The following MICAL2 variants were observed in gnomAD, a reference collection of about 807,000 sequenced individuals.
MICAL2 encodes the protein [F-actin]-monooxygenase MICAL2.
Under a neutral mutation model 127.3 loss-of-function variants are expected in MICAL2, and 77 were observed. The observed-to-expected ratio is 0.60, with a 90% confidence interval of 0.50 to 0.73. The LOEUF is 0.73. Among genes scored for constraint, MICAL2 ranks in the 30% least tolerant of loss-of-function variants. The pLI is 0.00. For synonymous variants in MICAL2, 570 were observed against 551.1 expected (o/e 1.03, Z -0.48); for missense variants, 1,351 against 1,434.4 (o/e 0.94, Z 0.94).
chr11:12,112,278 G>A (rs1345562455), intron 1 of MICAL2, among the ~76,000 whole-genome samples: 2 of 152,180 alleles, frequency 1.3e-5, no homozygotes, highest in Admixed American at 1.3e-4. Context: ...GGATTTCAGG[G>A]GATGCTTCTT....
intron 3 of MICAL2, among the ~76,000 whole-genome samples, chr11:12,200,501 G>T (rs913547564): frequency 6.6e-6 from 1 of 152,208 alleles, no homozygotes. Context: ...CCAGAACACC[G>T]AGTTCCCATA....
At chr11:12,361,374 C>G (rs773280742), downstream of MICAL2, among the ~76,000 whole-genome samples, 2 of 152,136 alleles carry the variant, frequency 1.3e-5, no homozygotes, top group Non-Finnish European at 2.9e-5. Flanking sequence ...GTCCTTAACT[C>G]CACCTCCAAA....
intron 2 of MICAL2, among the ~76,000 whole-genome samples, chr11:12,141,366 G>T (rs1041574986): frequency 6.6e-6 from 1 of 152,182 alleles, no homozygotes; most frequent in Non-Finnish European, 1.5e-5. Flanking sequence ...TGACTTCTGT[G>T]GTCCTGGTCC....
upstream of MICAL2, among the ~76,000 whole-genome samples, chr11:12,273,583 G>A (rs1184234450): frequency 6.7e-6 from 1 of 149,138 alleles, no homozygotes; most frequent in African/African-American, 2.5e-5. Flanking sequence ...ATTTTAAGAT[G>A]AGGTATTTCA....
chr11:12,119,292 T>C (rs1399907572), intron 1 of MICAL2, among the ~76,000 whole-genome samples: 1 of 152,240 alleles, frequency 6.6e-6, no homozygotes, highest in African/African-American at 2.4e-5. Context: ...TGAAACTTCA[T>C]CTACGGCATG....
At chr11:12,304,758 TG>T (rs1864090048) in intron 29 of MICAL2, among the ~76,000 whole-genome samples, 1 of 152,174 alleles carries the variant, frequency 6.6e-6, no homozygotes, top group South Asian at 2.1e-4. Context: ...CAGTCTGTTT[TG>T]GGTCCTTCTC....
intron 32 of MICAL2, among the ~76,000 whole-genome samples, chr11:12,343,155 C>T (rs950053527): frequency 3.9e-5 from 6 of 152,140 alleles, no homozygotes; most frequent in Admixed American, 6.6e-5. Context: ...CACCTGTAAT[C>T]CCAGCACTTT....
chr11:12,170,064 T>C (rs909709064), intron 3 of MICAL2, among the ~76,000 whole-genome samples: 1 of 152,108 alleles, frequency 6.6e-6, no homozygotes, highest in East Asian at 1.9e-4. Flanking sequence ...ATTACTGCCA[T>C]CCTTGTAACA....
chr11:12,166,253 T>G (rs1855498712), intron 3 of MICAL2, among the ~76,000 whole-genome samples: 1 of 152,252 alleles, frequency 6.6e-6, no homozygotes, highest in Admixed American at 6.5e-5. Context: ...TCCAGAAAGC[T>G]GAAGAGAGTG....
At chr11:12,240,860 C>A (rs746832426) in intron 17 of MICAL2, among the ~76,000 whole-genome samples, 180 bp from the exon 18 acceptor site, 1 of 152,236 alleles carries the variant, frequency 6.6e-6, no homozygotes, top group Admixed American at 6.5e-5. Flanking sequence ...GACAGGGAGC[C>A]AGGGCTCAAG....
intron 1 of MICAL2, among the ~76,000 whole-genome samples, chr11:12,117,977 C>T (rs1179837726): frequency 6.6e-6 from 1 of 152,184 alleles, no homozygotes; most frequent in Non-Finnish European, 1.5e-5. Context: ...GCCTTGGGGA[C>T]CATGGGGTCC....
At chr11:12,119,480 C>A (rs1850325137) in intron 1 of MICAL2, among the ~76,000 whole-genome samples, 2 of 152,174 alleles carry the variant, frequency 1.3e-5, no homozygotes. Flanking sequence ...ATTCAGCAGA[C>A]AGTTGTAATC....
Position 12,312,489 on chromosome 11 carries a change from G to A in MICAL2, c.5213-7207G>A, listed in dbSNP as rs975788989. On this transcript the variant is annotated intron_variant, in intron 29 of 34. Coordinates refer to the MICAL2 transcript ENST00000646065. Reference sequence around the variant, plus strand: ...TTATATTTTTTCTTCGATCCACAGCGTGTTTAGAAAAATATTACTTAATTT... The same window carrying A: ...TTATATTTTTTCTTCGATCCACAGCATGTTTAGAAAAATATTACTTAATTT... Among the ~76,000 whole-genome samples the A allele has an allele frequency of 5.3e-5, 8 of 151,924 alleles. No individual in the cohort carries two copies. The South Asian group carries it at 8.3e-4, about 16-fold the overall frequency.
intron 1 of MICAL2, among the ~76,000 whole-genome samples, chr11:12,129,633 CTTCTT>C (rs1434782808): frequency 1.1e-4 from 7 of 61,128 alleles, no homozygotes; most frequent in African/African-American, 5.6e-4. Context: ...TCTTCTTCTT[CTTCTT>C]TTTTTTTTTT....
At chr11:12,320,706 TAGG>T (rs1296276603) in intron 30 of MICAL2, among the ~76,000 whole-genome samples, 1 of 152,004 alleles carries the variant, frequency 6.6e-6, no homozygotes, top group Non-Finnish European at 1.5e-5. Context: ...TATCTGGCAT[TAGG>T]AGATTTGACA....
At chr11:12,211,846 G>T (rs897666731) in intron 6 of MICAL2, among the ~76,000 whole-genome samples, 1 of 152,154 alleles carries the variant, frequency 6.6e-6, no homozygotes, top group African/African-American at 2.4e-5. Context: ...GTCCAATGGC[G>T]GCGGGCTGGA....
intron 9 of MICAL2, among the ~76,000 whole-genome samples, chr11:12,220,733 G>A (rs747754094): frequency 8.5e-5 from 13 of 152,228 alleles, no homozygotes; most frequent in South Asian, 2.1e-4. Flanking sequence ...GGCAGCCCCG[G>A]TCTGGGCCAT....
downstream of MICAL2, chr11:12,294,524 A>G (rs1342315721): frequency 3.1e-6 from 5 of 1,614,158 alleles, no homozygotes; most frequent in South Asian, 5.5e-5. Context: ...CCCACCCTGC[A>G]GCAAGATTGA....
intron 2 of MICAL2, among the ~76,000 whole-genome samples, chr11:12,154,578 C>T (rs1476221159): frequency 1.3e-5 from 2 of 152,226 alleles, no homozygotes; most frequent in Non-Finnish European, 2.9e-5. Context: ...TTTCTCTTCT[C>T]CTACAGACAC....
Sources: allele counts gnomAD v4.1 joint callset (sites outside exome capture counted in the v4.1 genomes callset), GRCh38; gene constraint gnomAD v4.1.1; transcripts MANE v1.5; gene names NCBI Gene and HGNC (gene_info 2026-07-23, HGNC 2026-07-21).